The following SCML4 variants were observed in gnomAD, a reference collection of about 807,000 sequenced individuals.
SCML4 encodes Scm polycomb group protein like 4, also known as sex comb on midleg-like protein 4.
SCML4 carries 34 observed loss-of-function variants against 41.1 expected under a neutral mutation model. The observed-to-expected ratio is 0.83, with a 90% CI of 0.63 to 1.10. The LOEUF (loss-of-function observed/expected upper bound fraction) is 1.10, where lower values mean the gene tolerates loss of function less well. Ranked by LOEUF, SCML4 falls within the 50% of genes least tolerant of loss-of-function variation. The pLI is 0.00. For missense variants in SCML4, 522 were observed against 534.1 expected (o/e 0.98, Z 0.22); for synonymous variants, 214 against 220.9 (o/e 0.97, Z 0.28).
intron 1 of SCML4, among the ~76,000 whole-genome samples, chr6:107,818,930 A>C (rs1784749181): frequency 6.6e-6 from 1 of 152,202 alleles, no homozygotes; most frequent in African/African-American, 2.4e-5. Context: ...CATACTCCTT[A>C]GTGTTCAACC....
At chr6:107,837,925 T>G in the SCML4 span, among the ~76,000 whole-genome samples, 85,152 of 128,726 alleles carry the variant, frequency 0.66, 28,071 homozygotes, top group East Asian at 0.9. Flanking sequence ...TTTTTTTTTT[T>G]GAGATGGAGT....
intron 5 of SCML4, among the ~76,000 whole-genome samples, chr6:107,729,961 C>T (rs1266278742): frequency 6.6e-6 from 1 of 152,184 alleles, no homozygotes; most frequent in East Asian, 1.9e-4. Context: ...AAAAGTTCCT[C>T]CTTACATCTA....
chr6:107,706,474 G>C (rs1303919826), intron 7 of SCML4, among the ~76,000 whole-genome samples: 1 of 152,170 alleles, frequency 6.6e-6, no homozygotes, highest in East Asian at 1.9e-4. Context: ...TTCTATGACA[G>C]AATCACCAAA....
chr6:107,834,925 G>C, the SCML4 span, among the ~76,000 whole-genome samples: 9 of 137,436 alleles, frequency 6.5e-5, no homozygotes, highest in African/African-American at 2.4e-4. Flanking sequence ...GAGACAAAGA[G>C]AGACCCTGTC....
chr6:107,835,694 G>A, the SCML4 span, among the ~76,000 whole-genome samples: 1,649 of 146,232 alleles, frequency 0.011, 19 homozygotes, highest in East Asian at 0.015. Context: ...GAGCCAGGAA[G>A]TCGAGGCTGC....
At chr6:107,839,523 G>A in the SCML4 span, among the ~76,000 whole-genome samples, 1 of 152,112 alleles carries the variant, frequency 6.6e-6, no homozygotes, top group Non-Finnish European at 1.5e-5. Flanking sequence ...AGAAAGTAGG[G>A]TTGGAGGAAC....
chr6:107,803,322 TTGTC>T (rs1392930491), intron 1 of SCML4, among the ~76,000 whole-genome samples: 4 of 130,856 alleles, frequency 3.1e-5, no homozygotes, highest in East Asian at 4.8e-4. Flanking sequence ...GGCAGCCACT[TTGTC>T]TGGGAAGTGA....
chr6:107,801,187 T>C (rs1387486424), intron 1 of SCML4, among the ~76,000 whole-genome samples: 1 of 152,210 alleles, frequency 6.6e-6, no homozygotes, highest in Non-Finnish European at 1.5e-5. Context: ...TGCTGTTATG[T>C]AAAGCCCAAC....
chr6:107,720,966 A>G lies in SCML4; in HGVS notation c.710T>C (p.Leu237Pro). The G allele has an allele frequency of 1.2e-6, 2 of 1,612,882 alleles. No individual in the cohort carries two copies. Among genetic ancestry groups the G allele is most frequent in the Non-Finnish European group, 1.7e-6 (2 of 1,179,382 alleles). The change falls in exon 6 of 8, where the codon CTG becomes CCG. Residue 237 changes from leucine to proline, a missense_variant. Transcript: ENST00000369020. The part of the protein sequence containing the change: ...SVKTVTTEEY[L>P]VNPVGMNRYS... ...GCGGTTCATGCCCACAGGGTTCACC[A>G]GGTACTCTTCGGTGGTGACTGTCTT... is the stretch of plus-strand genomic sequence containing the variant.
chr6:107,801,669 G>C (rs1015324704), intron 1 of SCML4, among the ~76,000 whole-genome samples: 1 of 152,202 alleles, frequency 6.6e-6, no homozygotes, highest in Non-Finnish European at 1.5e-5. Flanking sequence ...CAAAGTTCCT[G>C]GAAGGATATG....
chr6:107,834,810 C>T, the SCML4 span, among the ~76,000 whole-genome samples: 20 of 151,918 alleles, frequency 1.3e-4, no homozygotes, highest in South Asian at 4.2e-3. Flanking sequence ...CCAGACATGG[C>T]AGCAGGCACC....
chr6:107,834,937 G>GA, the SCML4 span, among the ~76,000 whole-genome samples: 807 of 143,168 alleles, frequency 5.6e-3, 13 homozygotes, highest in African/African-American at 0.02. Context: ...GACCCTGTCT[G>GA]AAAAAAAAAA....
intron 5 of SCML4, among the ~76,000 whole-genome samples, chr6:107,733,939 G>C (rs2049660): frequency 0.2 from 30,082 of 152,120 alleles, 3,283 homozygotes; most frequent in African/African-American, 0.27. Context: ...GGAGACCCCC[G>C]GCCATCTGGC....
intron 1 of SCML4, among the ~76,000 whole-genome samples, chr6:107,792,917 G>A (rs1355408247): frequency 6.6e-6 from 1 of 152,122 alleles, no homozygotes; most frequent in African/African-American, 2.4e-5. Flanking sequence ...TCCAGATCAA[G>A]GGAAACAATA....
chr6:107,840,346 G>A, the SCML4 span, among the ~76,000 whole-genome samples: 4 of 152,320 alleles, frequency 2.6e-5, no homozygotes, highest in Non-Finnish European at 4.4e-5. Flanking sequence ...CCAGGTGCCT[G>A]GCACACACCT....
At chr6:107,835,513 G>T in the SCML4 span, among the ~76,000 whole-genome samples, 1 of 152,098 alleles carries the variant, frequency 6.6e-6, no homozygotes, top group African/African-American at 2.4e-5. Context: ...GCCAAAAGAG[G>T]AGGACTACTT....
At chr6:107,821,559 T>C (rs1583682094) in intron 1 of SCML4, among the ~76,000 whole-genome samples, 1 of 152,206 alleles carries the variant, frequency 6.6e-6, no homozygotes, top group East Asian at 1.9e-4. Flanking sequence ...GGGTCTTTTC[T>C]CATCTCCTTT....
At chr6:107,829,819 T>C in the SCML4 span, among the ~76,000 whole-genome samples, 1 of 152,224 alleles carries the variant, frequency 6.6e-6, no homozygotes, top group Non-Finnish European at 1.5e-5. Flanking sequence ...AATTAATTGA[T>C]TGATTAGTAA....
At chr6:107,829,999 C>T in the SCML4 span, among the ~76,000 whole-genome samples, 1 of 152,214 alleles carries the variant, frequency 6.6e-6, no homozygotes, top group Non-Finnish European at 1.5e-5. Context: ...CCTGCTCCCA[C>T]ATCCTCCATG....
Sources: gnomAD v4.1 joint callset for allele counts (sites outside exome capture counted in the v4.1 genomes callset) on GRCh38, gnomAD v4.1.1 for gene constraint, MANE v1.5 for transcripts, NCBI Gene and HGNC (gene_info 2026-07-23, HGNC 2026-07-21) for gene names.